The following EXOSC10 variants were observed in gnomAD, a reference collection of about 807,000 sequenced individuals.
EXOSC10 encodes the protein exosome component 10.
A neutral mutation model predicts 126.6 loss-of-function variants in EXOSC10; 94 were observed. The observed-to-expected ratio is 0.74, with a 90% CI of 0.63 to 0.88. The LOEUF (loss-of-function observed/expected upper bound fraction) is 0.88. EXOSC10 is among the 40% of genes least tolerant of loss of function. EXOSC10 has a pLI of 0.00. For missense variants in EXOSC10, 1,041 were observed against 1,100.5 expected (o/e 0.95, Z 0.77); for synonymous variants, 395 against 400.8 (o/e 0.99, Z 0.17).
At chr1:11,082,937 T>G in intron 9 of EXOSC10, 59 bp from the exon 10 acceptor site, 1 of 1,343,558 alleles carries the variant, frequency 7.4e-7, no homozygotes, top group Non-Finnish European at 1.1e-6. Flanking sequence ...TGCTCAGAAA[T>G]TAACTCTGCC....
At chr1:11,095,979 CCAACA>C in intron 2 of EXOSC10, 98 bp from the exon 3 acceptor site, 2 of 1,349,708 alleles carry the variant, frequency 1.5e-6, no homozygotes, top group South Asian at 1.4e-5. Flanking sequence ...CAGACTGTTC[CCAACA>C]CATCTTTTTT....
At chr1:11,077,176 A>G (rs1305496698) in intron 16 of EXOSC10, 189 bp downstream of exon 16, 4 of 642,032 alleles carry the variant, frequency 6.2e-6, no homozygotes, top group Non-Finnish European at 1.1e-5. Context: ...TTTTTAGTAG[A>G]GATGGGGTTT....
In EXOSC10 at chr1:11,083,856, CTA is replaced by C. The variant is rs540252116; in HGVS notation, c.1090-980_1090-979del. Reference sequence around the variant, plus strand: ...TGTGTTCTCATTGTTCAATTCCCACCTATGAGTGAGAATATGCAGTGTTTGGT... The same window carrying C: ...TGTGTTCTCATTGTTCAATTCCCACCTGAGTGAGAATATGCAGTGTTTGGT... On this transcript the variant is annotated intron_variant, in intron 9 of 24. Coordinates refer to ENST00000376936, the MANE Select transcript of EXOSC10 (RefSeq NM_001001998.3). Among the ~76,000 whole-genome samples the C allele has an allele frequency of 4.7e-3, 719 of 152,136 alleles. 3 individuals are homozygous for C. The highest frequency in any genetic ancestry group is 0.017 in the African/African-American group (687 of 41,490).
intron 24 of EXOSC10, among the ~76,000 whole-genome samples, chr1:11,067,504 TGAG>T (rs1639173762): frequency 6.6e-6 from 1 of 150,502 alleles, no homozygotes; most frequent in South Asian, 2.1e-4. Flanking sequence ...CTCGGGAGGC[TGAG>T]GTGAGAGACT....
Position 11,091,492 on chromosome 1 carries a change from C to T in EXOSC10, c.477+1G>A, listed in dbSNP as rs916112336. 3.7e-6 allele frequency: 6 copies of T among 1,613,420 alleles called. No homozygotes were observed. The highest frequency in any genetic ancestry group is 3.3e-5 in the Admixed American group (2 of 59,926). On this transcript the variant is annotated splice_donor_variant, in intron 4 of 24. Coordinates refer to ENST00000376936, the MANE Select transcript of EXOSC10 (RefSeq NM_001001998.3). LOFTEE classifies it high-confidence loss of function. ...CTCTAGTTAATCTGAAAAGCCCTCA[C>T]CTTACGGTTCCAGCTGGACACTACC...
At chr1:11,093,045 A>G (rs972614422) in intron 3 of EXOSC10, among the ~76,000 whole-genome samples, 8 of 152,230 alleles carry the variant, frequency 5.3e-5, no homozygotes, top group African/African-American at 1.9e-4. Context: ...AGACATAACC[A>G]TGTAAATGAT....
At position 11,087,475 on chromosome 1, in the gene EXOSC10, C is replaced by G. The variant is rs776711983; in HGVS notation, c.1062G>C (p.Glu354Asp). The G allele has an allele frequency of 2.5e-6, 4 of 1,614,072 alleles. No individual in the cohort carries two copies. The highest frequency in any genetic ancestry group is 2.5e-6 in the Non-Finnish European group (3 of 1,180,020). The change falls in exon 9 of 25, where the codon GAG (glutamate) becomes GAC (aspartate). Residue 354 changes from glutamate to aspartate, a missense_variant. Physicochemically the swap from Glu to Asp is conservative, Grantham distance 45 (BLOSUM62 2). This residue lies in a region of EXOSC10 where 645 missense variants were observed against 656.3 expected (regional missense o/e 0.98). Coordinates refer to ENST00000376936, the MANE Select transcript of EXOSC10 (RefSeq NM_001001998.3). ...ELRSDMYILN[E>D]SLTDPAIVKV... ...TAACGATGGCTGGGTCTGTGAGGCT[C>G]TCATTGAGAATGTACATGTCACTTC...
intron 3 of EXOSC10, among the ~76,000 whole-genome samples, chr1:11,092,521 CTTTT>C (rs201402155): frequency 7.2e-6 from 1 of 138,304 alleles, no homozygotes; most frequent in Non-Finnish European, 1.6e-5. Flanking sequence ...CCCTGTTTTT[CTTTT>C]TTTTTTTTTT....
chr1:11,089,987 C>T (rs967439296), intron 6 of EXOSC10, among the ~76,000 whole-genome samples: 1 of 137,928 alleles, frequency 7.3e-6, no homozygotes, highest in Non-Finnish European at 1.5e-5. Context: ...TCTAATTTTG[C>T]TTTTACATCT....
intron 2 of EXOSC10, among the ~76,000 whole-genome samples, chr1:11,096,563 A>C (rs1641106755): frequency 1.3e-5 from 2 of 149,128 alleles, no homozygotes; most frequent in African/African-American, 2.5e-5. Flanking sequence ...TGTAGCCTTG[A>C]ACTCCTGGGC....
At chr1:11,066,856 G>A (rs1043649266) in intron 24 of EXOSC10, 108 bp from the exon 25 acceptor site, 3 of 1,378,256 alleles carry the variant, frequency 2.2e-6, no homozygotes, top group African/African-American at 2.8e-5. Flanking sequence ...AGGAAGAATG[G>A]TTTGCTCAGG....
Position 11,089,618 on chromosome 1 carries a change from T to TCCC in EXOSC10, c.758+933_758+935dup, listed in dbSNP as rs1435710780. Among the ~76,000 whole-genome samples, 450 of 115,272 alleles carry TCCC rather than the reference T, an allele frequency of 3.9e-3. 2 individuals carry two copies. Among genetic ancestry groups the TCCC allele is most frequent in the African/African-American group, 0.014 (424 of 29,860 alleles). 75.6% of individuals were successfully genotyped at this position (115,272 alleles called of 152,430 possible). On this transcript the variant is annotated intron_variant, in intron 6 of 24. Coordinates refer to ENST00000376936, the MANE Select transcript of EXOSC10 (RefSeq NM_001001998.3). ...CCTGAGCAACAAGAGCGAAACTCCG[T>TCCC]CCCAAAAAAAAAAAAAAAGAAAGAA...
chr1:11,074,136 C>A, intron 18 of EXOSC10, 95 bp downstream of exon 18: 1 of 1,378,930 alleles, frequency 7.3e-7, no homozygotes, highest in Non-Finnish European at 1.0e-6. Flanking sequence ...GGGCAGCCGA[C>A]ACACTGGCTT....
chr1:11,096,467 C>CTT (rs1273630166), intron 2 of EXOSC10, among the ~76,000 whole-genome samples: 7 of 129,772 alleles, frequency 5.4e-5, no homozygotes, highest in African/African-American at 8.2e-5. Flanking sequence ...TTCTTTCTTT[C>CTT]TTTCTTTTTT....
In EXOSC10 at chr1:11,072,335, C is replaced by T. The variant is rs967712341; in HGVS notation, c.2158-164G>A. On this transcript the variant is annotated intron_variant, in intron 19 of 24. Coordinates refer to ENST00000376936, the MANE Select transcript of EXOSC10 (RefSeq NM_001001998.3). ...GCATGAAAAATAAATTTCATGCTGG[C>T]TTTATTGCTAAAATCCCTATTAAGG... 3 of 579,292 alleles carry T rather than the reference C, an allele frequency of 5.2e-6. No individual in the cohort carries two copies. The African/African-American group carries it at 5.6e-5, about 11-fold the overall frequency. The allele number at this position is 579,292 out of a possible 1,614,324, so 35.9% of individuals were successfully genotyped here.
rs141330119 is a variant in EXOSC10, at chr1:11,095,082, G to T, written c.372+676C>A. 6.9e-3 allele frequency among the ~76,000 whole-genome samples: 1,043 copies of T among 152,016 alleles called. 12 individuals are homozygous for T. Among genetic ancestry groups the T allele is most frequent in the African/African-American group, 0.024 (985 of 41,480 alleles). ...CAAAAATTAGCCAGGAATAGTGGTGGGTGCCTGTAATCCCAGCTACTCCGG... is the reference window on the plus strand; with the variant it reads ...CAAAAATTAGCCAGGAATAGTGGTGTGTGCCTGTAATCCCAGCTACTCCGG... On this transcript the variant is annotated intron_variant, in intron 3 of 24. Coordinates refer to ENST00000376936, the MANE Select transcript of EXOSC10 (RefSeq NM_001001998.3).
At position 11,087,451 on chromosome 1, in the gene EXOSC10, A is replaced by C. The variant is rs1640555622; in HGVS notation, c.1086T>G (p.Val362=). 2 of 1,613,998 alleles carry C rather than the reference A, an allele frequency of 1.2e-6. No individual in the cohort carries two copies. Among genetic ancestry groups the C allele is most frequent in the African/African-American group, 2.7e-5 (2 of 74,920 alleles). ...LNESLTDPAI[V]KVFHGADSDI... is the part of the protein sequence containing the mutation. ...GAGTTACAAAAGGCTGGCTGACCTT[A>C]ACGATGGCTGGGTCTGTGAGGCTCT... is the stretch of plus-strand genomic sequence containing the variant. Residue 362 remains valine, a synonymous_variant, in exon 9 of 25, where the codon GTT becomes GTG. Transcript: ENST00000376936.
chr1:11,096,084 A>C (rs1641068204), intron 2 of EXOSC10, among the ~76,000 whole-genome samples: 1 of 152,046 alleles, frequency 6.6e-6, no homozygotes, highest in South Asian at 2.1e-4. Context: ...CCCGGGTTCA[A>C]GCGATTCTCG....
intron 9 of EXOSC10, among the ~76,000 whole-genome samples, chr1:11,083,536 T>G (rs1476858521): frequency 2.7e-5 from 3 of 109,700 alleles, no homozygotes; most frequent in East Asian, 3.1e-4. Context: ...TACTCCAGCC[T>G]GGGCAACAAG....
Sources: gnomAD v4.1 joint callset for allele counts (sites outside exome capture counted in the v4.1 genomes callset) on GRCh38, gnomAD v4.1.1 for gene constraint, gnomAD v4.1.1 regional missense constraint, MANE v1.5 for transcripts, NCBI Gene and HGNC (gene_info 2026-07-23, HGNC 2026-07-21) for gene names.